ENPP6: variants seen among roughly 807,000 people sequenced by gnomAD.
The protein encoded by ENPP6 is ectonucleotide pyrophosphatase/phosphodiesterase 6, also known as glycerophosphocholine cholinephosphodiesterase ENPP6.
ENPP6 carries 32 observed loss-of-function variants against 42.0 expected under a neutral mutation model. The observed-to-expected ratio is 0.76, with a 90% CI of 0.58 to 1.02. ENPP6 has a LOEUF of 1.02. ENPP6 is among the 50% of genes least tolerant of loss of function. The pLI is 0.00. For synonymous variants in ENPP6, 213 were observed against 216.0 expected (o/e 0.99, Z 0.12); for missense variants, 552 against 566.8 (o/e 0.97, Z 0.27).
chr4:184,148,801 C>A (rs549810955), intron 2 of ENPP6, among the ~76,000 whole-genome samples: 1 of 152,176 alleles, frequency 6.6e-6, no homozygotes, highest in Non-Finnish European at 1.5e-5. Context: ...CATTAAAAAA[C>A]CAAATCAATT....
At chr4:184,182,048 G>T (rs549444236) in intron 1 of ENPP6, among the ~76,000 whole-genome samples, 17 of 151,820 alleles carry the variant, frequency 1.1e-4, no homozygotes, top group African/African-American at 4.1e-4. Context: ...CACAGCAAAA[G>T]AATTTGTCAT....
intron 1 of ENPP6, among the ~76,000 whole-genome samples, chr4:184,213,436 A>T (rs1659128816): frequency 6.6e-6 from 1 of 152,190 alleles, no homozygotes; most frequent in Admixed American, 6.5e-5. Context: ...GAAGGACATG[A>T]ACAGACACTT....
At chr4:184,130,487 G>A (rs1036015315) in intron 2 of ENPP6, among the ~76,000 whole-genome samples, 1 of 80,210 alleles carries the variant, frequency 1.2e-5, no homozygotes, top group Non-Finnish European at 2.9e-5. Flanking sequence ...GAACCCGGGA[G>A]GCGGAGCTTG....
chr4:184,120,153 TG>T (rs1210433419), intron 3 of ENPP6, among the ~76,000 whole-genome samples: 3 of 152,154 alleles, frequency 2.0e-5, no homozygotes, highest in South Asian at 2.1e-4. Flanking sequence ...AGTATGTGGC[TG>T]AGCAGGCATG....
intron 2 of ENPP6, among the ~76,000 whole-genome samples, chr4:184,132,777 A>G (rs556632376): frequency 2.0e-5 from 3 of 150,562 alleles, no homozygotes; most frequent in African/African-American, 7.3e-5. Flanking sequence ...AGATACACAT[A>G]TATACATATA....
chr4:184,156,573 T>C (rs1464583174), intron 1 of ENPP6, among the ~76,000 whole-genome samples: 1 of 152,246 alleles, frequency 6.6e-6, no homozygotes, highest in Non-Finnish European at 1.5e-5. Flanking sequence ...TTGGTCTCTT[T>C]GCTCAAGGCT....
intron 6 of ENPP6, among the ~76,000 whole-genome samples, chr4:184,099,898 G>C (rs762378775): frequency 1.3e-5 from 2 of 152,234 alleles, no homozygotes; most frequent in Admixed American, 1.3e-4. Context: ...ACTGAAGCAC[G>C]AAGTAGAACA....
At chr4:184,192,150 C>T (rs921744417) in intron 1 of ENPP6, among the ~76,000 whole-genome samples, 40 of 152,128 alleles carry the variant, frequency 2.6e-4, no homozygotes, top group African/African-American at 8.9e-4. Context: ...TATGAAAGTA[C>T]AAGTGACTTG....
At chr4:184,139,884 G>A (rs1368345280) in intron 2 of ENPP6, among the ~76,000 whole-genome samples, 1 of 77,842 alleles carries the variant, frequency 1.3e-5, no homozygotes, top group Non-Finnish European at 2.8e-5. Flanking sequence ...GTAATGGGAC[G>A]GCTGGGTCAA....
At chr4:184,216,440 T>G (rs1733197074) in intron 1 of ENPP6, 1 of 152,226 alleles carries the variant, frequency 6.6e-6, no homozygotes, top group African/African-American at 2.4e-5. Flanking sequence ...TTATGGCATT[T>G]TTCCGTACAT....
At chr4:184,142,443 G>A (rs1736838859) in intron 2 of ENPP6, among the ~76,000 whole-genome samples, 1 of 152,258 alleles carries the variant, frequency 6.6e-6, no homozygotes, top group Admixed American at 6.5e-5. Flanking sequence ...ACAAGTCCTT[G>A]GGGGAAAGCA....
chr4:184,210,802 C>T lies in ENPP6; in HGVS notation c.241+6777G>A, dbSNP rs1020698449. Among the ~76,000 whole-genome samples, 1,276 of 152,138 alleles carry T rather than the reference C, an allele frequency of 8.4e-3. 22 individuals are homozygous for T. The highest frequency in any genetic ancestry group is 0.029 in the African/African-American group (1,200 of 41,412). On this transcript the variant is annotated intron_variant, in intron 1 of 7. Transcript: ENST00000296741. Reference sequence around the variant, plus strand: ...AATATACATTTTTTTCAGCACCACACAACACCTATTCCAAAATTGACCACA... The same window carrying T: ...AATATACATTTTTTTCAGCACCACATAACACCTATTCCAAAATTGACCACA...
chr4:184,202,878 A>T (rs946719217), intron 1 of ENPP6, among the ~76,000 whole-genome samples: 9 of 152,212 alleles, frequency 5.9e-5, no homozygotes, highest in African/African-American at 2.2e-4. Flanking sequence ...GTGAGTTTAC[A>T]CATATATTTG....
intron 2 of ENPP6, among the ~76,000 whole-genome samples, chr4:184,126,083 T>G (rs1290635647): frequency 6.6e-6 from 1 of 152,212 alleles, no homozygotes; most frequent in Non-Finnish European, 1.5e-5. Flanking sequence ...GTATGTAAAT[T>G]GTAAGTAATG....
intron 1 of ENPP6, among the ~76,000 whole-genome samples, chr4:184,154,660 TA>T (rs1250176149): frequency 6.6e-6 from 1 of 151,516 alleles, no homozygotes; most frequent in Non-Finnish European, 1.5e-5. Flanking sequence ...ATTTGGAAAA[TA>T]GACACTAAAA....
intron 1 of ENPP6, among the ~76,000 whole-genome samples, chr4:184,180,522 A>C (rs997096202): frequency 2.0e-5 from 3 of 150,244 alleles, no homozygotes; most frequent in Admixed American, 6.7e-5. Context: ...GGCCAGCATC[A>C]TCCTGATACC....
chr4:184,120,081 G>C (rs1736389202), intron 3 of ENPP6, among the ~76,000 whole-genome samples: 3 of 152,202 alleles, frequency 2.0e-5, no homozygotes, highest in African/African-American at 7.2e-5. Context: ...AAAGGGAGGG[G>C]AGGGGAAGAA....
chr4:184,208,768 A>G (rs4443321), intron 1 of ENPP6, among the ~76,000 whole-genome samples: 138,313 of 142,016 alleles, frequency 0.97, 67,577 homozygotes, highest in East Asian at 1. Flanking sequence ...TGCCTCTGTA[A>G]GCTCCACCTC....
intron 1 of ENPP6, among the ~76,000 whole-genome samples, chr4:184,214,262 G>A (rs914158137): frequency 3.5e-4 from 53 of 150,854 alleles, no homozygotes; most frequent in African/African-American, 1.2e-3. Flanking sequence ...AAAGAAAAAA[G>A]ATTCAATGTT....
Sources: allele counts gnomAD v4.1 joint callset (sites outside exome capture counted in the v4.1 genomes callset), GRCh38; gene constraint gnomAD v4.1.1; transcripts MANE v1.5; gene names NCBI Gene and HGNC (gene_info 2026-07-23, HGNC 2026-07-21).